RASAL3: variants seen among roughly 807,000 people sequenced by gnomAD.
RASAL3 encodes RAS protein activator like 3.
A neutral mutation model predicts 105.5 loss-of-function variants in RASAL3; 74 were observed. The ratio of observed to expected loss-of-function variants is 0.70; its 90% CI spans 0.58 to 0.85. RASAL3 has a LOEUF of 0.85. Among genes scored for constraint, RASAL3 ranks in the 40% least tolerant of loss-of-function variants. The probability of loss-of-function intolerance (pLI) is 0.00; values close to 1 mark genes in which losing one functional copy is unlikely to be tolerated. For synonymous variants in RASAL3, 579 were observed against 591.6 expected (o/e 0.98, Z 0.31); for missense variants, 1,352 against 1,392.0 (o/e 0.97, Z 0.46).
intron 2 of RASAL3, 150 bp downstream of exon 2, chr19:15,463,881 A>C: frequency 3.0e-6 from 2 of 677,740 alleles, no homozygotes; most frequent in Non-Finnish European, 4.8e-6. Context: ...GAAAGAGGGA[A>C]CAGGGTAGCT....
In RASAL3 at chr19:15,452,109, C is replaced by A; in HGVS notation, c.2829-1G>T. 1 of 1,613,850 alleles carries A rather than the reference C, an allele frequency of 6.2e-7. No homozygotes were observed. The highest frequency in any genetic ancestry group is 8.5e-7 in the Non-Finnish European group (1 of 1,179,840). On this transcript the variant is annotated splice_acceptor_variant, in intron 16 of 17. Transcript: ENST00000343625. LOFTEE classifies it high-confidence loss of function. ...GTGCTCTGAATCAAACTCTGAGCTC[C>A]TGTGGGGGTCGGGGGATTGGGGCGA...
At chr19:15,458,117 A>G (rs1010886579) in intron 8 of RASAL3, 6 of 630,198 alleles carry the variant, frequency 9.5e-6, no homozygotes, top group Admixed American at 2.8e-5. Flanking sequence ...TTGGGTGCAT[A>G]TGGGGCCGGG....
At position 15,456,853 on chromosome 19, in the gene RASAL3, A is replaced by G; in HGVS notation, c.1432-207T>C. 1 of 633,600 alleles carries G rather than the reference A, an allele frequency of 1.6e-6. No individual in the cohort carries two copies. Among genetic ancestry groups the G allele is most frequent in the Non-Finnish European group, 2.7e-6 (1 of 371,072 alleles). The allele number at this position is 633,600 out of a possible 1,614,324, so 39.2% of individuals were successfully genotyped here. A position where few individuals can be genotyped will look rare whatever the true frequency, so the allele number is the denominator to read the frequency against. ...TTAAGCCTTTCAGCGCTGAGGTGCAACCTGGGCCCCGCCCCTCACGCGTGA... is the reference window on the plus strand; with the variant it reads ...TTAAGCCTTTCAGCGCTGAGGTGCAGCCTGGGCCCCGCCCCTCACGCGTGA... On this transcript the variant is annotated intron_variant, in intron 9 of 17. Coordinates refer to ENST00000343625, the MANE Select transcript of RASAL3 (RefSeq NM_022904.3). The surrounding 1 kb of genome is among the most constrained non-coding windows in gnomAD (Gnocchi z 4.4).
In RASAL3 at chr19:15,457,750, C is replaced by G; in HGVS notation, c.973G>C (p.Gly325Arg). ...GLPRAAAGAPGVRAELWLDGA... is the reference protein window; with the variant it reads ...GLPRAAAGAPRVRAELWLDGA... ...TCCAGCCACAGCTCGGCGCGCACGCCGGGTGCCCCCGCCGCTGCTCGGGGA... is the reference window on the plus strand; with the variant it reads ...TCCAGCCACAGCTCGGCGCGCACGCGGGGTGCCCCCGCCGCTGCTCGGGGA... The change falls in exon 9 of 18, where the codon GGC (glycine) becomes CGC (arginine). Residue 325 changes from glycine to arginine, a missense_variant. Gly to Arg is a moderately radical substitution (Grantham distance 125). Coordinates refer to ENST00000343625, the MANE Select transcript of RASAL3 (RefSeq NM_022904.3). This position sits in a 1 kb window ranked among gnomAD's most constrained non-coding sequence, Gnocchi z 8.6. 6.5e-7 allele frequency: 1 copy of G among 1,543,894 alleles called. No homozygotes were observed. The highest frequency in any genetic ancestry group is 8.7e-7 in the Non-Finnish European group (1 of 1,144,864).
chr19:15,452,117 G>A lies in RASAL3; in HGVS notation c.2829-9C>T, dbSNP rs1295087904. The A allele has an allele frequency of 1.2e-6, 2 of 1,613,736 alleles. No homozygotes were observed. Among genetic ancestry groups the A allele is most frequent in the Non-Finnish European group, 1.7e-6 (2 of 1,179,844 alleles). ...AATCAAACTCTGAGCTCCTGTGGGG[G>A]TCGGGGGATTGGGGCGAAGGGCAGA... On this transcript the variant is annotated splice_polypyrimidine_tract_variant and intron_variant, in intron 16 of 17. Transcript: ENST00000343625.
At position 15,456,018 on chromosome 19, in the gene RASAL3, G is replaced by A; in HGVS notation, c.1721+86C>T. 6.9e-7 allele frequency: 1 copy of A among 1,450,186 alleles called. No homozygotes were observed. The highest frequency in any genetic ancestry group is 9.4e-7 in the Non-Finnish European group (1 of 1,060,034). The allele number at this position is 1,450,186 out of a possible 1,614,324, so 89.8% of individuals were successfully genotyped here. On this transcript the variant is annotated intron_variant, in intron 11 of 17. Transcript: ENST00000343625. The surrounding 1 kb of genome is among the most constrained non-coding windows in gnomAD (Gnocchi z 4.4). ...CATCAAATTTAACTGAGTGTCTCCT[G>A]TATTTTATCTGGCCACCCTAAACTG...
At position 15,461,388 on chromosome 19, in the gene RASAL3, T is replaced by C. The variant is rs1195805955; in HGVS notation, c.465+83A>G. ...GGGAGAGGCAGACACCTTCCCATTA[T>C]CCTCCCTCCAGCCCCTGCCTCTGTT... On this transcript the variant is annotated intron_variant, in intron 3 of 17. Transcript: ENST00000343625. 20 of 1,521,938 alleles carry C rather than the reference T, an allele frequency of 1.3e-5. No homozygotes were observed. The South Asian group carries it at 2.0e-4, about 15-fold the overall frequency. The allele number at this position is 1,521,938 out of a possible 1,614,324, so 94.3% of individuals were successfully genotyped here.
chr19:15,452,449 T>G (rs1970179640), intron 16 of RASAL3: 1 of 582,654 alleles, frequency 1.7e-6, no homozygotes, highest in African/African-American at 2.0e-5. Context: ...TGAGAGAATC[T>G]GCCAGGGTCC....
chr19:15,451,888 AG>A lies in RASAL3; in HGVS notation c.2942del (p.Ala981ValfsTer78). The A allele has an allele frequency of 1.9e-6, 3 of 1,608,780 alleles. No homozygotes were observed. The highest frequency in any genetic ancestry group is 2.6e-6 in the Non-Finnish European group (3 of 1,175,612). On this transcript the variant is annotated frameshift_variant, in exon 18 of 18. Coordinates refer to ENST00000343625, the MANE Select transcript of RASAL3 (RefSeq NM_022904.3). LOFTEE classifies it low-confidence loss of function (END_TRUNC). ...MERTQAQLRD[A>X]VQSLQLSPRT... ...TTGGAGAAAGCTGCAGGCTCTGGAC[AG>A]CATCCCTCAGCTGAGCCTGAGTTCT... is the stretch of plus-strand genomic sequence containing the variant.
In RASAL3 at chr19:15,458,617, G is replaced by A. The variant is rs1168796021; in HGVS notation, c.701C>T (p.Thr234Ile). Residue 234 changes from threonine (T) to isoleucine (I), a missense_variant, in exon 7 of 18, where the codon ACA (threonine) becomes ATA (isoleucine). By Grantham distance (89) the Thr-to-Ile change is moderately conservative (BLOSUM62 -1). Transcript: ENST00000343625. Reference protein sequence around the residue: ...SALGSRESLATLSELDLGAER... With the variant: ...SALGSRESLAILSELDLGAER... ...GGCACCCAGGTCCAGTTCAGAGAGTGTGGCCAGCGACTCCCTAGAGCCCAG... is the reference window on the plus strand; with the variant it reads ...GGCACCCAGGTCCAGTTCAGAGAGTATGGCCAGCGACTCCCTAGAGCCCAG... 3 of 1,613,516 alleles carry A rather than the reference G, an allele frequency of 1.9e-6. No homozygotes were observed. Among genetic ancestry groups the A allele is most frequent in the African/African-American group, 2.7e-5 (2 of 74,906 alleles).
intron 11 of RASAL3, 146 bp from the exon 12 acceptor site, chr19:15,455,039 C>T (rs1970276365): frequency 1.6e-6 from 1 of 639,282 alleles, no homozygotes; most frequent in Non-Finnish European, 2.7e-6. Flanking sequence ...AGGCTTCCTT[C>T]TCACTGAACC....
chr19:15,455,879 G>A (rs1424066948), intron 11 of RASAL3, among the ~76,000 whole-genome samples: 2 of 152,150 alleles, frequency 1.3e-5, no homozygotes, highest in Non-Finnish European at 2.9e-5. Context: ...TTGAACTCCT[G>A]GGCTCAAGCA....
At chr19:15,458,144 G>A in intron 8 of RASAL3, 184 bp downstream of exon 8, 2 of 653,596 alleles carry the variant, frequency 3.1e-6, no homozygotes, top group Non-Finnish European at 5.3e-6. Context: ...CAGAAGGGGC[G>A]GGTCTGATAT....
intron 6 of RASAL3, among the ~76,000 whole-genome samples, chr19:15,459,760 C>T (rs1281297759): frequency 6.6e-6 from 1 of 152,178 alleles, no homozygotes; most frequent in Non-Finnish European, 1.5e-5. Flanking sequence ...TGGTCTCGAA[C>T]TCCTAGACTC....
At position 15,456,131 on chromosome 19, in the gene RASAL3, A is replaced by T; in HGVS notation, c.1694T>A (p.Val565Asp). Residue 565 changes from valine to aspartate, a missense_variant, in exon 11 of 18, where the codon GTC (valine) becomes GAC (aspartate). This residue lies in a region of RASAL3 where 920 missense variants were observed against 919.6 expected (regional missense o/e 1.00). Transcript: ENST00000343625. This position sits in a 1 kb window ranked among gnomAD's most constrained non-coding sequence, Gnocchi z 4.4. ...GTAGGAATGGATAATGGTTTCGAAGACCTCCTCGCAGCTGTTCCGAAGTCT... is the reference window on the plus strand; with the variant it reads ...GTAGGAATGGATAATGGTTTCGAAGTCCTCCTCGCAGCTGTTCCGAAGTCT... ...QARLRNSCEE[V>D]FETIIHSYDW... is the part of the protein sequence containing the mutation. The T allele has an allele frequency of 6.2e-7, 1 of 1,613,446 alleles. No individual in the cohort carries two copies. The highest frequency in any genetic ancestry group is 8.5e-7 in the Non-Finnish European group (1 of 1,179,702).
In RASAL3 at chr19:15,456,337, C is replaced by T. The variant is rs1357665356; in HGVS notation, c.1577-89G>A. ...CTCCAACCTTGTCTTCAGGTTATTC[C>T]GGAGGCACCCAACATCTTGGGGAGC... On this transcript the variant is annotated intron_variant, in intron 10 of 17. Transcript: ENST00000343625. The surrounding 1 kb of genome is among the most constrained non-coding windows in gnomAD (Gnocchi z 4.4). 2 of 1,559,570 alleles carry T rather than the reference C, an allele frequency of 1.3e-6. No individual in the cohort carries two copies. Among genetic ancestry groups the T allele is most frequent in the South Asian group, 1.2e-5 (1 of 84,466 alleles).
At chr19:15,454,931 G>A in intron 11 of RASAL3, 38 bp from the exon 12 acceptor site, 1 of 1,460,026 alleles carries the variant, frequency 6.8e-7, no homozygotes, top group Non-Finnish European at 9.2e-7. Context: ...AGACGGGGAG[G>A]CTATGGGCAT....
rs1970265688 is a variant in RASAL3, at chr19:15,454,736, G to T, written c.1879C>A (p.Pro627Thr). Residue 627 changes from proline (P) to threonine (T), a missense_variant, in exon 12 of 18, where the codon CCA becomes ACA. Physicochemically the swap from Pro to Thr is conservative, Grantham distance 38. Around this residue, in one of 3 missense-constraint regions of RASAL3, gnomAD observed 920 missense variants for 919.6 expected, o/e 1.00. Coordinates refer to ENST00000343625, the MANE Select transcript of RASAL3 (RefSeq NM_022904.3). ...GCTGGGCCGGGTGCTGGATGGTCTG[G>T]TGCCAAACCAAAGAGGCTGGGTGCC... ...ILAPSLFGLAPDHPAPGPART... is the reference protein window; with the variant it reads ...ILAPSLFGLATDHPAPGPART... 2 of 1,609,764 alleles carry T rather than the reference G, an allele frequency of 1.2e-6. No individual in the cohort carries two copies. The highest frequency in any genetic ancestry group is 1.7e-6 in the Non-Finnish European group (2 of 1,178,136).
intron 2 of RASAL3, among the ~76,000 whole-genome samples, chr19:15,462,892 G>A (rs184991250): frequency 0.012 from 1,774 of 150,266 alleles, 43 homozygotes; most frequent in Middle Eastern, 0.049. Flanking sequence ...CGGAGCTTGC[G>A]GTGAGCCGAG....
Sources: gnomAD v4.1 joint callset for allele counts (sites outside exome capture counted in the v4.1 genomes callset) on GRCh38, gnomAD v4.1.1 for gene constraint, gnomAD v4.1.1 regional missense constraint, Gnocchi (gnomAD v3.1) non-coding constraint, MANE v1.5 for transcripts, NCBI Gene and HGNC (gene_info 2026-07-23, HGNC 2026-07-21) for gene names.